Variants in TPO observed in about 807,000 individuals in gnomAD.
TPO encodes the protein thyroid peroxidase, also known as thyroid microsomal antigen.
A neutral mutation model predicts 96.9 loss-of-function variants in TPO; 78 were observed. The ratio of observed to expected loss-of-function variants is 0.81; its 90% CI spans 0.67 to 0.97. The LOEUF is 0.97. Among genes scored for constraint, TPO ranks in the 50% least tolerant of loss-of-function variants. The pLI, the probability that TPO is intolerant of heterozygous loss-of-function variation, is 0.00. For synonymous variants in TPO, 547 were observed against 538.0 expected (o/e 1.02, Z -0.23); for missense variants, 1,252 against 1,274.8 (o/e 0.98, Z 0.27).
At chr2:1,480,605 C>T (rs900971369) in intron 8 of TPO, among the ~76,000 whole-genome samples, 4 of 139,360 alleles carry the variant, frequency 2.9e-5, no homozygotes, top group African/African-American at 7.9e-5. Flanking sequence ...CACACACACA[C>T]GAGCCAGCCA....
intron 14 of TPO, among the ~76,000 whole-genome samples, chr2:1,514,854 T>G (rs144961702): frequency 6.6e-6 from 1 of 152,332 alleles, no homozygotes; most frequent in Non-Finnish European, 1.5e-5. Flanking sequence ...TTCACACTTT[T>G]GGGTAAACAT....
At chr2:1,507,057 T>G (rs570869119) in intron 14 of TPO, among the ~76,000 whole-genome samples, 1 of 152,280 alleles carries the variant, frequency 6.6e-6, no homozygotes, top group South Asian at 2.1e-4. Flanking sequence ...GAATTAATTT[T>G]TGTATAAGGT....
rs1305045711 is a variant in TPO at position 1,532,385 on chromosome 2, C to G, written c.2619-8209C>G. Among the ~76,000 whole-genome samples, 4 of 101,998 alleles carry G rather than the reference C, an allele frequency of 3.9e-5. 1 individual carries two copies. The highest frequency in any genetic ancestry group is 1.2e-4 in the African/African-American group (3 of 25,732). 66.9% of individuals were successfully genotyped at this position (101,998 alleles called of 152,430 possible). ...TACCCCCCACAGTGCGCAACCTCCT[C>G]AAATCCCCCACCACTGTGAGCAACC... On this transcript the variant is annotated intron_variant, in intron 15 of 16. Coordinates refer to ENST00000329066, the MANE Select transcript of TPO (RefSeq NM_001206744.2).
At chr2:1,404,532 C>T (rs1046044449) in intron 1 of TPO, among the ~76,000 whole-genome samples, 1 of 152,168 alleles carries the variant, frequency 6.6e-6, no homozygotes, top group Non-Finnish European at 1.5e-5. Flanking sequence ...TTACATACAA[C>T]TGGTGTCTTT....
intron 8 of TPO, among the ~76,000 whole-genome samples, chr2:1,483,552 C>T (rs181362549): frequency 3.4e-4 from 52 of 152,332 alleles, no homozygotes; most frequent in Admixed American, 1.4e-3. Flanking sequence ...GGTTCAGAAA[C>T]GTTGCCACAT....
chr2:1,374,521 A>G (rs528502794), intron 1 of TPO: 3 of 152,300 alleles, frequency 2.0e-5, no homozygotes, highest in South Asian at 2.1e-4. Context: ...TACAAACTTA[A>G]TAAGTCATAG....
intron 7 of TPO, among the ~76,000 whole-genome samples, chr2:1,459,996 C>T (rs551749654): frequency 9.4e-4 from 141 of 150,618 alleles, no homozygotes; most frequent in African/African-American, 3.3e-3. Context: ...AGTGTAGTGG[C>T]GCAATCTCAG....
intron 1 of TPO, among the ~76,000 whole-genome samples, chr2:1,402,713 C>T (rs1034019942): frequency 3.9e-5 from 6 of 152,112 alleles, no homozygotes; most frequent in Non-Finnish European, 5.9e-5. Context: ...TTACTCAGCA[C>T]CAACCAGGAG....
chr2:1,422,025 C>T (rs901162026), intron 2 of TPO, among the ~76,000 whole-genome samples: 4 of 152,180 alleles, frequency 2.6e-5, no homozygotes, highest in East Asian at 1.9e-4. Context: ...AGCCCCACAC[C>T]GGGGGGCTCT....
chr2:1,484,600 T>C lies in TPO; in HGVS notation c.1343T>C (p.Ile448Thr), dbSNP rs1670948915. The change falls in exon 9 of 17, where the codon ATC becomes ACC. Residue 448 changes from isoleucine (I) to threonine (T), a missense_variant. By Grantham distance (89) the Ile-to-Thr change is moderately conservative (BLOSUM62 -1). Coordinates refer to ENST00000329066, the MANE Select transcript of TPO (RefSeq NM_001206744.2). ...RKVVGALHQIITLRDYIPRIL... is the reference protein window; with the variant it reads ...RKVVGALHQITTLRDYIPRIL... Reference sequence around the variant, plus strand: ...ATGCTTTTCCTATCTGCACAGATCATCACCCTGAGGGATTACATCCCCAGG... The same window carrying C: ...ATGCTTTTCCTATCTGCACAGATCACCACCCTGAGGGATTACATCCCCAGG... 1.9e-6 allele frequency: 3 copies of C among 1,613,992 alleles called. No homozygotes were observed. The highest frequency in any genetic ancestry group is 1.7e-5 in the Admixed American group (1 of 60,008).
intron 15 of TPO, 27 bp from the exon 16 acceptor site, chr2:1,540,567 C>T (rs562701974): frequency 1.9e-5 from 30 of 1,611,680 alleles, no homozygotes; most frequent in Non-Finnish European, 2.4e-5. Context: ...GACCCTCTCC[C>T]GATAACTGGA....
intron 7 of TPO, among the ~76,000 whole-genome samples, chr2:1,469,909 A>G (rs1395961285): frequency 6.6e-6 from 1 of 152,160 alleles, no homozygotes; most frequent in African/African-American, 2.4e-5. Context: ...GTTCTGGAGC[A>G]AAAGTTCACG....
intron 15 of TPO, among the ~76,000 whole-genome samples, chr2:1,529,129 CG>C (rs1677364965): frequency 8.4e-6 from 1 of 119,576 alleles, no homozygotes; most frequent in Non-Finnish European, 1.7e-5. Flanking sequence ...GCAACCTCCC[CG>C]AATCCCCCCA....
chr2:1,458,262 G>A (rs1668060285), intron 7 of TPO, among the ~76,000 whole-genome samples: 1 of 151,886 alleles, frequency 6.6e-6, no homozygotes, highest in Non-Finnish European at 1.5e-5. Context: ...GATAGTGTGT[G>A]GGCACGTGTG....
rs543388730 is a variant in TPO at position 1,432,205 on chromosome 2, G to A, written c.180-1233G>A. The stretch of plus-strand genomic sequence containing the variant: ...CCAAAGGTGATTGACTCAACATTCA[G>A]ACAAGAAGGATGGTGAACTTGATGT... On this transcript the variant is annotated intron_variant, in intron 3 of 16. Coordinates refer to ENST00000329066, the MANE Select transcript of TPO (RefSeq NM_001206744.2). Among the ~76,000 whole-genome samples, 37 of 152,378 alleles carry A rather than the reference G, an allele frequency of 2.4e-4. No individual in the cohort carries two copies. The South Asian group carries it at 7.7e-3, about 32-fold the overall frequency.
intron 1 of TPO, among the ~76,000 whole-genome samples, chr2:1,375,993 G>A (rs934529559): frequency 2.0e-5 from 3 of 152,164 alleles, no homozygotes; most frequent in East Asian, 3.9e-4. Context: ...AGGGTGCCAC[G>A]CCCCACACCT....
At chr2:1,406,162 A>G (rs1383591943) in intron 1 of TPO, among the ~76,000 whole-genome samples, 1 of 152,174 alleles carries the variant, frequency 6.6e-6, no homozygotes, top group East Asian at 1.9e-4. Flanking sequence ...CTGTTTAGTG[A>G]TATTCACATC....
chr2:1,526,004 ACT>A (rs1237646871), intron 15 of TPO, among the ~76,000 whole-genome samples: 1 of 46,962 alleles, frequency 2.1e-5, no homozygotes, highest in Non-Finnish European at 4.0e-5. Context: ...CAAATCCCCC[ACT>A]GTGTGCAACC....
chr2:1,458,232 CAT>C (rs1668052391), intron 7 of TPO, among the ~76,000 whole-genome samples: 1 of 151,496 alleles, frequency 6.6e-6, no homozygotes, highest in African/African-American at 2.4e-5. Context: ...TGTGTGGGCA[CAT>C]GTGTATATAG....
Sources: allele counts gnomAD v4.1 joint callset (sites outside exome capture counted in the v4.1 genomes callset), GRCh38; gene constraint gnomAD v4.1.1; transcripts MANE v1.5; gene names NCBI Gene and HGNC (gene_info 2026-07-23, HGNC 2026-07-21).